Variants in MYH9 observed in about 807,000 individuals in gnomAD.
The protein encoded by MYH9 is myosin heavy chain 9.
A neutral mutation model predicts 241.9 loss-of-function variants in MYH9; 29 were observed. The observed-to-expected ratio is 0.12, with a 90% CI of 0.09 to 0.16. MYH9 has a LOEUF of 0.16. Ranked by LOEUF, MYH9 falls within the 10% of genes least tolerant of loss-of-function variation. The pLI is 1.00. For missense variants in MYH9, 1,803 were observed against 2,595.5 expected (o/e 0.69, Z 6.63); for synonymous variants, 1,047 against 1,062.6 (o/e 0.99, Z 0.29).
intron 27 of MYH9, among the ~76,000 whole-genome samples, chr22:36,294,595 A>G (rs533921409): frequency 6.6e-6 from 1 of 152,332 alleles, no homozygotes; most frequent in African/African-American, 2.4e-5. Flanking sequence ...AGGGCATGGC[A>G]TTGGTGTTGC....
At position 36,320,157 on chromosome 22, in the gene MYH9, C is replaced by T. The variant is rs201997113; in HGVS notation, c.1012+63G>A. The T allele has an allele frequency of 1.4e-5, 22 of 1,610,914 alleles. No individual in the cohort carries two copies. The East Asian group carries it at 2.2e-4, about 16-fold the overall frequency. ...AGGCCCATCGGCTACCCTGATGCCCCGAGGCCGTGGGTACCAGCCTTCCTC... is the reference window on the plus strand; with the variant it reads ...AGGCCCATCGGCTACCCTGATGCCCTGAGGCCGTGGGTACCAGCCTTCCTC... On this transcript the variant is annotated intron_variant, in intron 9 of 40. Transcript: ENST00000216181. The surrounding 1 kb of genome is among the most constrained non-coding windows in gnomAD (Gnocchi z 4.8).
Position 36,306,729 on chromosome 22 carries a change from AGG to A in MYH9, c.1844-124_1844-123del, listed in dbSNP as rs2146349031. On this transcript the variant is annotated intron_variant, in intron 15 of 40. Coordinates refer to ENST00000216181, the MANE Select transcript of MYH9 (RefSeq NM_002473.6). This position sits in a 1 kb window ranked among gnomAD's most constrained non-coding sequence, Gnocchi z 4.1. ...AAAAGAGGAGACAGAATGAAACAAC[AGG>A]ACCCTTTCCAATTGGAGCCTACACT... 9 of 1,027,380 alleles carry A rather than the reference AGG, an allele frequency of 8.8e-6. 1 individual carries two copies. In the South Asian group the frequency reaches 1.1e-4, roughly 12 times the overall value. 63.6% of individuals were successfully genotyped at this position (1,027,380 alleles called of 1,614,324 possible).
At chr22:36,341,099 C>A (rs1432514717) in intron 3 of MYH9, among the ~76,000 whole-genome samples, 1 of 152,148 alleles carries the variant, frequency 6.6e-6, no homozygotes, top group Non-Finnish European at 1.5e-5. Context: ...GGGACAGGCA[C>A]AAGAGCTCTT....
At chr22:36,361,659 C>G (rs1382914633) in intron 1 of MYH9, among the ~76,000 whole-genome samples, 1 of 152,144 alleles carries the variant, frequency 6.6e-6, no homozygotes, top group Admixed American at 6.5e-5. Context: ...TAGCTTGGGA[C>G]AGGCTGGAGG....
At chr22:36,377,198 C>T (rs1245467400) in intron 1 of MYH9, among the ~76,000 whole-genome samples, 2 of 152,198 alleles carry the variant, frequency 1.3e-5, no homozygotes, top group Non-Finnish European at 2.9e-5. Context: ...TTGACCTCCT[C>T]ACCCGCAGAG....
chr22:36,314,984 T>G (rs766066799), intron 12 of MYH9, among the ~76,000 whole-genome samples: 44 of 151,976 alleles, frequency 2.9e-4, no homozygotes, highest in Non-Finnish European at 5.9e-4. Flanking sequence ...GGGCCTTGCT[T>G]TGTTGCCCAG....
chr22:36,319,751 C>T (rs1255974071), intron 9 of MYH9, 116 bp from the exon 10 acceptor site: 11 of 1,044,066 alleles, frequency 1.1e-5, no homozygotes, highest in Non-Finnish European at 1.6e-5. Flanking sequence ...GGACACCCCC[C>T]AACTCCCTGG....
chr22:36,321,900 C>A, intron 6 of MYH9, 79 bp from the exon 7 acceptor site: 1 of 1,247,436 alleles, frequency 8.0e-7, no homozygotes, highest in Non-Finnish European at 1.2e-6. Flanking sequence ...ACCACAGCCC[C>A]CCGCCCCACC....
chr22:36,357,545 A>G (rs2017875188), intron 1 of MYH9, among the ~76,000 whole-genome samples: 1 of 152,136 alleles, frequency 6.6e-6, no homozygotes. Flanking sequence ...CTCTCCAGAC[A>G]TCACCAAAGG....
chr22:36,370,440 G>A (rs2018072204), intron 1 of MYH9, among the ~76,000 whole-genome samples: 1 of 152,230 alleles, frequency 6.6e-6, no homozygotes, highest in African/African-American at 2.4e-5. Flanking sequence ...CTGGCGACAA[G>A]GCCTCTAAAA....
At position 36,300,442 on chromosome 22, in the gene MYH9, C is replaced by T. The variant is rs954158854; in HGVS notation, c.2839-178G>A. Among the ~76,000 whole-genome samples the T allele has an allele frequency of 6.6e-6, 1 of 152,242 alleles. No individual in the cohort carries two copies. The highest frequency in any genetic ancestry group is 1.5e-5 in the Non-Finnish European group (1 of 68,034). ...CGCCAGCCCAGGGCCACAGCCGAGG[C>T]AGGGCCCAAGCCCCATTTGTAGGAT... On this transcript the variant is annotated intron_variant, in intron 22 of 40. Coordinates refer to ENST00000216181, the MANE Select transcript of MYH9 (RefSeq NM_002473.6). This position sits in a 1 kb window ranked among gnomAD's most constrained non-coding sequence, Gnocchi z 5.0.
intron 1 of MYH9, among the ~76,000 whole-genome samples, chr22:36,368,151 C>T (rs1358961749): frequency 6.6e-6 from 1 of 152,248 alleles, no homozygotes; most frequent in Non-Finnish European, 1.5e-5. Flanking sequence ...ACCTCCCTTT[C>T]TTCATCTGTA....
chr22:36,286,626 A>T, intron 35 of MYH9, 92 bp downstream of exon 35: 1 of 1,549,944 alleles, frequency 6.5e-7, no homozygotes. Flanking sequence ...GGAGCCCAGT[A>T]GGACTCCAGC....
intron 1 of MYH9, among the ~76,000 whole-genome samples, chr22:36,384,602 AAAAAAAAAAATATAT>A (rs2018311929): frequency 2.1e-5 from 1 of 47,276 alleles, no homozygotes; most frequent in South Asian, 8.7e-4. Flanking sequence ...AAAAAAAAAA[AAAAAAAAAAATATAT>A]ATATATATAT....
intron 2 of MYH9, among the ~76,000 whole-genome samples, chr22:36,345,087 A>T (rs1462396186): frequency 6.6e-6 from 1 of 151,948 alleles, no homozygotes; most frequent in African/African-American, 2.4e-5. Flanking sequence ...CCGAGGCGGG[A>T]GGATCACAAG....
chr22:36,286,405 G>A (rs547857218), intron 35 of MYH9, among the ~76,000 whole-genome samples: 32 of 152,286 alleles, frequency 2.1e-4, no homozygotes, highest in Non-Finnish European at 4.4e-4. Flanking sequence ...GCTCAGGTGC[G>A]ACGGGCAGGG....
chr22:36,302,526 A>G (rs1338959372), intron 20 of MYH9, 42 bp downstream of exon 20: 2 of 1,493,140 alleles, frequency 1.3e-6, no homozygotes. Flanking sequence ...GGTGGTGTGC[A>G]CCCGTAGTCC....
At position 36,288,843 on chromosome 22, in the gene MYH9, C is replaced by T. The variant is rs886057479; in HGVS notation, c.4654G>A (p.Glu1552Lys). The T allele has an allele frequency of 6.2e-7, 1 of 1,613,740 alleles. No individual in the cohort carries two copies. The highest frequency in any genetic ancestry group is 8.5e-7 in the Non-Finnish European group (1 of 1,179,964). Residue 1552 changes from glutamate (E) to lysine (K), a missense_variant, in exon 33 of 41, where the codon GAA becomes AAA. This residue lies in a region of MYH9 where 876 missense variants were observed against 1,077.8 expected (regional missense o/e 0.81). Transcript: ENST00000216181. This position sits in a 1 kb window ranked among gnomAD's most constrained non-coding sequence, Gnocchi z 4.8. ...EELEDELQAT[E>K]DAKLRLEVNL... Reference sequence around the variant, plus strand: ...ACCTCCAACCGCAGCTTGGCATCTTCGGTGGCCTGCAGCTCGTCCTCCAGC... The same window carrying T: ...ACCTCCAACCGCAGCTTGGCATCTTTGGTGGCCTGCAGCTCGTCCTCCAGC...
rs1420666245 is a variant in MYH9, at chr22:36,370,434, C to T, written c.-20+17373G>A. Among the ~76,000 whole-genome samples the T allele has an allele frequency of 3.3e-5, 5 of 152,320 alleles. No individual in the cohort carries two copies. In the East Asian group the frequency reaches 5.8e-4, roughly 18 times the overall value. Reference sequence around the variant, plus strand: ...GCAAGGCACCATGCAAGGGTCCTGGCGACAAGGCCTCTAAAAGGGGAAGCA... The same window carrying T: ...GCAAGGCACCATGCAAGGGTCCTGGTGACAAGGCCTCTAAAAGGGGAAGCA... On this transcript the variant is annotated intron_variant, in intron 1 of 40. Transcript: ENST00000216181.
Sources: gnomAD v4.1 joint callset for allele counts (sites outside exome capture counted in the v4.1 genomes callset) on GRCh38, gnomAD v4.1.1 for gene constraint, gnomAD v4.1.1 regional missense constraint, Gnocchi (gnomAD v3.1) non-coding constraint, MANE v1.5 for transcripts, NCBI Gene and HGNC (gene_info 2026-07-23, HGNC 2026-07-21) for gene names.